The following TPST2 variants were observed in gnomAD, a reference collection of about 807,000 sequenced individuals.
TPST2 encodes the protein tyrosylprotein sulfotransferase 2.
In TPST2, 16 loss-of-function variants were observed where a neutral mutation model predicts 27.8. That is an observed-to-expected ratio of 0.58 (90% CI 0.39 to 0.88). The LOEUF is 0.88. Among genes scored for constraint, TPST2 ranks in the 40% least tolerant of loss-of-function variants. TPST2 has a pLI of 0.00. For synonymous variants in TPST2, 229 were observed against 231.7 expected, an observed-to-expected ratio of 0.99 and a Z score of 0.10; for missense variants, 464 against 543.1, an observed-to-expected ratio of 0.85 and a Z score of 1.45.
chr22:26,577,200 GGCTGCAGCAA>G (rs1347664500), intron 1 of TPST2, among the ~76,000 whole-genome samples: 1 of 150,332 alleles, frequency 6.7e-6, no homozygotes, highest in East Asian at 1.9e-4. Flanking sequence ...AGGAATTCAA[GGCTGCAGCAA>G]GCTATGATCA....
chr22:26,540,883 T>C lies in TPST2; in HGVS notation c.748A>G (p.Lys250Glu). 1 of 1,614,122 alleles carries C rather than the reference T, an allele frequency of 6.2e-7. No individual in the cohort carries two copies. The highest frequency in any genetic ancestry group is 1.1e-5 in the South Asian group (1 of 91,084). ...ATGCCGAGGAAGTCGAGGATGAGCT[T>C]GAGTGAGCGCCTGGGGTGCAGCACC... ...QLVLHPRRSL[K>E]LILDFLGIAW... The change falls in exon 3 of 7, where the codon AAG becomes GAG. Residue 250 changes from lysine (K) to glutamate (E), a missense_variant. Lys to Glu is a moderately conservative substitution (Grantham distance 56). Transcript: ENST00000338754.
rs140840364 is a variant in TPST2 at position 26,579,376 on chromosome 22, G to A, written c.-161+10677C>T. 1.9e-3 allele frequency among the ~76,000 whole-genome samples: 284 copies of A among 152,324 alleles called. 1 individual carries two copies. Among genetic ancestry groups the A allele is most frequent in the African/African-American group, 6.1e-3 (252 of 41,582 alleles). ...AATCAAACCAAAAACAGCATCTGCC[G>A]TCCTGCTGCTAGCCCAGGCTTCCTC... On this transcript the variant is annotated intron_variant, in intron 1 of 6. Transcript: ENST00000338754.
intron 1 of TPST2, among the ~76,000 whole-genome samples, chr22:26,574,501 T>G (rs1217710156): frequency 2.0e-5 from 3 of 152,070 alleles, no homozygotes; most frequent in African/African-American, 7.2e-5. Flanking sequence ...GAGGTTCCAA[T>G]GGCATCACAC....
chr22:26,583,891 C>T (rs1205149185), intron 1 of TPST2, among the ~76,000 whole-genome samples: 1 of 152,120 alleles, frequency 6.6e-6, no homozygotes, highest in South Asian at 2.1e-4. Context: ...TCAGGTGGCA[C>T]GAGGCAGGCC....
chr22:26,584,590 A>G (rs1278295578), intron 1 of TPST2, among the ~76,000 whole-genome samples: 2 of 152,140 alleles, frequency 1.3e-5, no homozygotes, highest in African/African-American at 4.8e-5. Context: ...GCTTGAGCCC[A>G]GAAGTTCAAG....
In TPST2 at chr22:26,541,816, ACATGAATGCAGAGGGCACCTTT is replaced by A; in HGVS notation, c.-88-120_-88-99del. On this transcript the variant is annotated intron_variant, in intron 2 of 6. Coordinates refer to ENST00000338754, the MANE Select transcript of TPST2 (RefSeq NM_003595.5). This position sits in a 1 kb window ranked among gnomAD's most constrained non-coding sequence, Gnocchi z 5.9. ...TATAACTGCAAACAAGAGGCTGCTGACATGAATGCAGAGGGCACCTTTCATAAGCACTAGCTGTGTGCCTGGC... is the reference window on the plus strand; with the variant it reads ...TATAACTGCAAACAAGAGGCTGCTGACATAAGCACTAGCTGTGTGCCTGGC... 4.2e-6 allele frequency: 5 copies of A among 1,183,618 alleles called. No individual in the cohort carries two copies. The South Asian group carries it at 6.6e-5, about 16-fold the overall frequency. 73.3% of individuals were successfully genotyped at this position (1,183,618 alleles called of 1,614,324 possible).
chr22:26,559,536 T>C (rs1410168254), intron 1 of TPST2, among the ~76,000 whole-genome samples: 2 of 152,176 alleles, frequency 1.3e-5, no homozygotes, highest in Non-Finnish European at 2.9e-5. Flanking sequence ...CTCGTACCCT[T>C]ACGTATCAAA....
intron 1 of TPST2, among the ~76,000 whole-genome samples, chr22:26,551,449 A>G (rs969476904): frequency 1.3e-5 from 2 of 152,126 alleles, no homozygotes; most frequent in Non-Finnish European, 2.9e-5. Context: ...TGGGGCTCAG[A>G]GACGTAAAGG....
chr22:26,557,356 G>A (rs1926856232), intron 1 of TPST2, among the ~76,000 whole-genome samples: 1 of 152,210 alleles, frequency 6.6e-6, no homozygotes, highest in African/African-American at 2.4e-5. Context: ...CTGGGCCTGA[G>A]TTTCCTCATC....
chr22:26,576,853 T>C (rs1038615467), intron 1 of TPST2, among the ~76,000 whole-genome samples: 6 of 151,404 alleles, frequency 4.0e-5, no homozygotes, highest in Non-Finnish European at 7.4e-5. Context: ...TCCCAGTACT[T>C]TGGGAGGCCG....
chr22:26,589,389 G>C (rs937579992), intron 1 of TPST2, among the ~76,000 whole-genome samples: 21 of 152,014 alleles, frequency 1.4e-4, no homozygotes, highest in Non-Finnish European at 1.5e-5. Context: ...CCTGCTACCA[G>C]TCCCAGTCCC....
intron 6 of TPST2, among the ~76,000 whole-genome samples, chr22:26,526,551 A>G (rs1924846593): frequency 6.6e-6 from 1 of 152,216 alleles, no homozygotes; most frequent in Non-Finnish European, 1.5e-5. Flanking sequence ...GAATTCTTGG[A>G]GGCAAGAGAA....
intron 1 of TPST2, among the ~76,000 whole-genome samples, chr22:26,570,625 T>C (rs560128925): frequency 2.0e-5 from 3 of 151,802 alleles, no homozygotes; most frequent in Non-Finnish European, 2.9e-5. Flanking sequence ...ATCTCCTGAA[T>C]TGTCATCTTG....
At chr22:26,555,047 CA>C (rs1336763278) in intron 1 of TPST2, among the ~76,000 whole-genome samples, 1 of 152,184 alleles carries the variant, frequency 6.6e-6, no homozygotes, top group Non-Finnish European at 1.5e-5. Context: ...CTGAATAGCC[CA>C]AAACTTTAAA....
intron 2 of TPST2, among the ~76,000 whole-genome samples, chr22:26,542,288 A>G (rs1925906703): frequency 6.7e-6 from 1 of 150,250 alleles, no homozygotes; most frequent in African/African-American, 2.4e-5. Context: ...GTGAGAGATC[A>G]TAGCTCACTG....
At position 26,528,262 on chromosome 22, in the gene TPST2, C is replaced by G. The variant is rs868804231; in HGVS notation, c.1093G>C (p.Val365Leu). Reference sequence around the variant, plus strand: ...TGGGAGGAGGTGCTGTTCTGGTTCACCTGGAGAAAGACAATACACAGAAGA... The same window carrying G: ...TGGGAGGAGGTGCTGTTCTGGTTCAGCTGGAGAAAGACAATACACAGAAGA... ...TPANLKGYFQVNQNSTSSHLG... is the reference protein window; with the variant it reads ...TPANLKGYFQLNQNSTSSHLG... Residue 365 changes from valine to leucine, a missense_variant and splice_region_variant, in exon 6 of 7, where the codon GTG (valine) becomes CTG (leucine). Transcript: ENST00000338754. 6.4e-7 allele frequency: 1 copy of G among 1,561,940 alleles called. No homozygotes were observed. The highest frequency in any genetic ancestry group is 2.4e-5 in the East Asian group (1 of 42,260).
intron 1 of TPST2, among the ~76,000 whole-genome samples, chr22:26,550,081 T>C (rs1000134487): frequency 1.3e-5 from 2 of 151,330 alleles, no homozygotes; most frequent in East Asian, 1.9e-4. Flanking sequence ...CAGGAGACCA[T>C]GGGAGGAAAC....
chr22:26,584,290 A>T lies in TPST2; in HGVS notation c.-161+5763T>A, dbSNP rs79707583. ...TGCATGAGAGTGTGGGAGTGGGAGG[A>T]ACAGAGCGAGTAGGGAGGAGTGGGT... is the stretch of plus-strand genomic sequence containing the variant. On this transcript the variant is annotated intron_variant, in intron 1 of 6. Transcript: ENST00000338754. 5.7e-4 allele frequency among the ~76,000 whole-genome samples: 87 copies of T among 152,232 alleles called. 1 individual carries two copies. The highest frequency in any genetic ancestry group is 1.0e-3 in the South Asian group (5 of 4,828).
At chr22:26,531,845 A>C (rs970753543) in intron 5 of TPST2, among the ~76,000 whole-genome samples, 3 of 152,016 alleles carry the variant, frequency 2.0e-5, no homozygotes, top group Non-Finnish European at 2.9e-5. Context: ...CACAACCCCC[A>C]CTCTGGTTTG....
Sources: gnomAD v4.1 joint callset for allele counts (sites outside exome capture counted in the v4.1 genomes callset) on GRCh38, gnomAD v4.1.1 for gene constraint, Gnocchi (gnomAD v3.1) non-coding constraint, MANE v1.5 for transcripts, NCBI Gene and HGNC (gene_info 2026-07-23, HGNC 2026-07-21) for gene names.